The following PAX8 variants were observed in gnomAD, a reference collection of about 807,000 sequenced individuals.
PAX8 encodes paired box 8.
PAX8 carries 15 observed loss-of-function variants against 52.4 expected under a neutral mutation model. That is an observed-to-expected ratio of 0.29 (90% CI 0.19 to 0.44). The LOEUF is 0.44. Ranked by LOEUF, PAX8 falls within the 20% of genes least tolerant of loss-of-function variation. PAX8 has a pLI of 1.00. For missense variants in PAX8, 554 were observed against 602.5 expected (o/e 0.92, Z 0.84); for synonymous variants, 284 against 249.7 (o/e 1.14, Z -1.29).
chr2:113,228,709 C>T (rs895663302), intron 9 of PAX8, among the ~76,000 whole-genome samples: 1 of 152,208 alleles, frequency 6.6e-6, no homozygotes, highest in Non-Finnish European at 1.5e-5. Context: ...TTTTTCCTCC[C>T]AGGACCTGTG....
At chr2:113,235,616 G>A (rs1690221022) in intron 8 of PAX8, 34 bp from the exon 9 acceptor site, 1 of 1,553,186 alleles carries the variant, frequency 6.4e-7, no homozygotes, top group African/African-American at 1.4e-5. Context: ...AGGAGAGAGG[G>A]GTGTGAGATG....
chr2:113,231,115 C>T (rs1239497749), intron 9 of PAX8, among the ~76,000 whole-genome samples: 1 of 152,212 alleles, frequency 6.6e-6, no homozygotes, highest in Non-Finnish European at 1.5e-5. Flanking sequence ...AGTCTGCCCT[C>T]CATGTAACCC....
intron 2 of PAX8, among the ~76,000 whole-genome samples, chr2:113,249,756 C>T (rs76948571): frequency 0.04 from 6,080 of 152,200 alleles, 228 homozygotes; most frequent in South Asian, 0.15. Context: ...ACATTTCTGG[C>T]CCCTAAACGG....
At chr2:113,253,165 T>G (rs1691919664) in intron 2 of PAX8, among the ~76,000 whole-genome samples, 1 of 152,242 alleles carries the variant, frequency 6.6e-6, no homozygotes, top group Non-Finnish European at 1.5e-5. Context: ...TTTGCTTTGC[T>G]TTAATGGGGT....
At chr2:113,258,731 A>G (rs571379204) in intron 2 of PAX8, among the ~76,000 whole-genome samples, 8 of 152,290 alleles carry the variant, frequency 5.3e-5, no homozygotes, top group African/African-American at 1.9e-4. Context: ...TTGCTCCAGC[A>G]TGATTTTCTC....
At chr2:113,220,712 G>T (rs1442955688) in intron 10 of PAX8, among the ~76,000 whole-genome samples, 7 of 152,176 alleles carry the variant, frequency 4.6e-5, no homozygotes, top group South Asian at 2.1e-4. Flanking sequence ...GAGTGTGTGT[G>T]TTTGTGTGCA....
chr2:113,256,630 A>ATGTGTG (rs72155714), intron 2 of PAX8, among the ~76,000 whole-genome samples: 7 of 140,062 alleles, frequency 5.0e-5, no homozygotes, highest in African/African-American at 1.9e-4. Context: ...ATATATATAT[A>ATGTGTG]TGTGTGTGTG....
chr2:113,239,761 C>T (rs928101635), intron 7 of PAX8: 2 of 151,948 alleles, frequency 1.3e-5, no homozygotes, highest in African/African-American at 4.8e-5. Flanking sequence ...TAAGTGTTTA[C>T]GTAGAAGCAC....
rs1689075449 is a variant in PAX8 at position 113,217,747 on chromosome 2, C to G, written c.*786G>C. ...GGTGAAGCCGCACACCACACCTCAC[C>G]TCCCAGGGGCCCAGGCCCTGTGGAA... On this transcript the variant is annotated 3_prime_UTR_variant, in exon 12 of 12. Coordinates refer to ENST00000429538, the MANE Select transcript of PAX8 (RefSeq NM_003466.4). 4.3e-6 allele frequency: 1 copy of G among 232,708 alleles called. No homozygotes were observed. Among genetic ancestry groups the G allele is most frequent in the African/African-American group, 2.2e-5 (1 of 45,286 alleles). The allele number at this position is 232,708 out of a possible 1,614,324, so 14.4% of individuals were successfully genotyped here.
At chr2:113,226,303 G>C (rs141929553) in intron 10 of PAX8, 1 of 985,538 alleles carries the variant, frequency 1.0e-6, no homozygotes, top group Non-Finnish European at 1.2e-6. Context: ...CTTGTGTTCA[G>C]AGCTCTTTCC....
chr2:113,228,302 C>T (rs1337181136), intron 9 of PAX8, among the ~76,000 whole-genome samples: 2 of 152,198 alleles, frequency 1.3e-5, no homozygotes, highest in African/African-American at 4.8e-5. Flanking sequence ...CCAAGGTGTA[C>T]CCAGGTGATG....
chr2:113,220,099 G>A lies in PAX8; in HGVS notation c.1269C>T (p.Ser423=), dbSNP rs754535867. Residue 423 remains serine, a synonymous_variant, in exon 11 of 12, where the codon AGC becomes AGT. Transcript: ENST00000429538. ...YSEAWRFPNS[S]LLSSPYYYSS... is the part of the protein sequence containing the mutation. ...GCAGCCCCAGGGACTTACTCAGCAA[G>A]CTGGAGTTGGGGAAGCGCCAGGCCT... 3 of 1,612,782 alleles carry A rather than the reference G, an allele frequency of 1.9e-6. No homozygotes were observed. In the Admixed American group the frequency reaches 5.0e-5, roughly 27 times the overall value.
At chr2:113,254,406 C>T (rs112820056) in intron 2 of PAX8, among the ~76,000 whole-genome samples, 7,288 of 152,076 alleles carry the variant, frequency 0.048, 254 homozygotes, top group African/African-American at 0.099. Flanking sequence ...GGTGGGGGTG[C>T]AAGAGAGAAT....
chr2:113,262,542 A>G (rs1692764885), intron 2 of PAX8, among the ~76,000 whole-genome samples: 1 of 152,136 alleles, frequency 6.6e-6, no homozygotes. Flanking sequence ...CGGACTAAGG[A>G]GACACAATAC....
intron 10 of PAX8, chr2:113,225,855 TGA>T: frequency 1.0e-6 from 1 of 968,270 alleles, no homozygotes; most frequent in Non-Finnish European, 1.2e-6. Flanking sequence ...GGATTTTGAT[TGA>T]GAGGCCCCAT....
At position 113,246,930 on chromosome 2, in the gene PAX8, A is replaced by C. The variant is rs756430747; in HGVS notation, c.26-11T>G. On this transcript the variant is annotated splice_polypyrimidine_tract_variant and intron_variant, in intron 2 of 11. Coordinates refer to ENST00000429538, the MANE Select transcript of PAX8 (RefSeq NM_003466.4). Reference sequence around the variant, plus strand: ...TCAGCCCTCCATGGCCTAAGGAGACAATATTCCCAGGGACAGCTGTCAGGG... The same window carrying C: ...TCAGCCCTCCATGGCCTAAGGAGACCATATTCCCAGGGACAGCTGTCAGGG... 1 of 1,612,000 alleles carries C rather than the reference A, an allele frequency of 6.2e-7. No individual in the cohort carries two copies. The highest frequency in any genetic ancestry group is 1.3e-5 in the African/African-American group (1 of 75,012).
Position 113,246,790 on chromosome 2 carries a change from C to T in PAX8, c.155G>A (p.Arg52His), listed in dbSNP as rs370551984. 3.1e-6 allele frequency: 5 copies of T among 1,613,772 alleles called. No homozygotes were observed. The highest frequency in any genetic ancestry group is 2.7e-5 in the African/African-American group (2 of 74,936). Reference sequence around the variant, plus strand: ...CTTGCTGACGCAGCCATGGCTGACGCGGAGCTGGCGAGAGATGTCGCAGGG... The same window carrying T: ...CTTGCTGACGCAGCCATGGCTGACGTGGAGCTGGCGAGAGATGTCGCAGGG... ...VRPCDISRQL[R>H]VSHGCVSKIL... Residue 52 changes from arginine (R) to histidine (H), a missense_variant, in exon 3 of 12, where the codon CGC (arginine) becomes CAC (histidine). Physicochemically the swap from Arg to His is conservative, Grantham distance 29 (BLOSUM62 0). Coordinates refer to ENST00000429538, the MANE Select transcript of PAX8 (RefSeq NM_003466.4).
At chr2:113,223,802 C>T (rs1689391610) in intron 10 of PAX8, among the ~76,000 whole-genome samples, 1 of 152,164 alleles carries the variant, frequency 6.6e-6, no homozygotes, top group African/African-American at 2.4e-5. Flanking sequence ...TTATAAGCTC[C>T]AGGAATAAAG....
chr2:113,250,459 T>C (rs1691676759), intron 2 of PAX8, among the ~76,000 whole-genome samples: 1 of 152,170 alleles, frequency 6.6e-6, no homozygotes, highest in Non-Finnish European at 1.5e-5. Context: ...CAGAATCACT[T>C]GGCAGTGAGG....
Sources: allele counts gnomAD v4.1 joint callset (sites outside exome capture counted in the v4.1 genomes callset), GRCh38; gene constraint gnomAD v4.1.1; transcripts MANE v1.5; gene names NCBI Gene and HGNC (gene_info 2026-07-23, HGNC 2026-07-21).